The following NR0B1 variants were observed in gnomAD, a reference collection of about 807,000 sequenced individuals.
NR0B1 encodes the protein nuclear receptor subfamily 0 group B member 1.
NR0B1 carries 3 observed loss-of-function variants against 23.0 expected under a neutral mutation model. The ratio of observed to expected loss-of-function variants is 0.13; its 90% CI spans 0.06 to 0.34. The LOEUF (loss-of-function observed/expected upper bound fraction) is 0.34. NR0B1 is among the 10% of genes least tolerant of loss of function. NR0B1 has a pLI of 1.00. For missense variants in NR0B1, 350 were observed against 402.9 expected (o/e 0.87, Z 1.12); for synonymous variants, 205 against 184.0 (o/e 1.11, Z -0.92).
At chrX:30,307,661 C>G (rs897645639) in intron 1 of NR0B1, among the ~76,000 whole-genome samples, 4 of 111,372 alleles carry the variant, frequency 3.6e-5, no homozygotes, top group Non-Finnish European at 7.5e-5. Context: ...CAGAGGCAGG[C>G]CCATGAAACA....
chrX:30,304,933 T>C (rs1264116487), intron 1 of NR0B1, 110 bp from the exon 2 acceptor site: 1 of 996,496 alleles, frequency 1.0e-6, no homozygotes, highest in Non-Finnish European at 1.4e-6. Context: ...GACCCAAAGC[T>C]TCCCGGTTAA....
In NR0B1 at chrX:30,309,251, C is replaced by A; in HGVS notation, c.113G>T (p.Cys38Phe). 8.6e-7 allele frequency: 1 copy of A among 1,168,355 alleles called. No homozygotes were observed. The change falls in exon 1 of 2, where the codon TGC (cysteine) becomes TTC (phenylalanine). Residue 38 changes from cysteine to phenylalanine, a missense_variant. Physicochemically the swap from Cys to Phe is radical, Grantham distance 205. Coordinates refer to ENST00000378970, the MANE Select transcript of NR0B1 (RefSeq NM_000475.5). Reference sequence around the variant, plus strand: ...CTCATCGCCGCACGAACAGCCCCAGCACTGATCCACCAGCCGCGTCTCTGG... The same window carrying A: ...CTCATCGCCGCACGAACAGCCCCAGAACTGATCCACCAGCCGCGTCTCTGG... ...EAPETRLVDQ[C>F]WGCSCGDEPG...
In NR0B1 at chrX:30,308,383, C is replaced by G. The variant is rs758704782; in HGVS notation, c.981G>C (p.Glu327Asp). Residue 327 changes from glutamate (E) to aspartate (D), a missense_variant, in exon 1 of 2, where the codon GAG becomes GAC. Coordinates refer to ENST00000378970, the MANE Select transcript of NR0B1 (RefSeq NM_000475.5). ...CGGGCAGTGGCTCGTTGCCCCCGGT[C>G]TCCCGCCGCCTGGTGGTGAGGATCT... The part of the protein sequence containing the change: ...LQKILTTRRR[E>D]TGGNEPLPVP... 3.3e-6 allele frequency: 4 copies of G among 1,207,463 alleles called. No homozygotes were observed. In the Admixed American group the frequency reaches 8.8e-5, roughly 27 times the overall value.
intron 1 of NR0B1, among the ~76,000 whole-genome samples, chrX:30,307,155 C>G (rs979697689): frequency 5.4e-5 from 6 of 112,042 alleles, no homozygotes; most frequent in African/African-American, 1.9e-4. Flanking sequence ...ATTATAAAAA[C>G]TATCCCAACT....
In NR0B1 at chrX:30,304,287, ATGAAATTGCTACACTTG is replaced by A; in HGVS notation, c.*275_*291del. 1 of 240,299 alleles carries A rather than the reference ATGAAATTGCTACACTTG, an allele frequency of 4.2e-6. No homozygotes were observed. Among genetic ancestry groups the A allele is most frequent in the Non-Finnish European group, 7.5e-6 (1 of 133,742 alleles). The allele number at this position is 240,299 out of a possible 1,213,427, so 19.8% of individuals were successfully genotyped here. A position where few individuals can be genotyped will look rare whatever the true frequency, so the allele number is the denominator to read the frequency against. ...TACAAATTTGATTTGAGCAGGTTCC[ATGAAATTGCTACACTTG>A]TGAAAATAGCTTATTATACTAGTAC... On this transcript the variant is annotated 3_prime_UTR_variant, in exon 2 of 2. Coordinates refer to ENST00000378970, the MANE Select transcript of NR0B1 (RefSeq NM_000475.5).
Position 30,308,621 on chromosome X carries a change from A to C in NR0B1, c.743T>G (p.Leu248Arg). The part of the protein sequence containing the change: ...TSSGALRPVA[L>R]KSPQVVCEAA... Reference sequence around the variant, plus strand: ...CTCGCAGACCACCTGTGGACTCTTGAGCGCCACCGGCCGCAGCGCACCAGA... The same window carrying C: ...CTCGCAGACCACCTGTGGACTCTTGCGCGCCACCGGCCGCAGCGCACCAGA... The change falls in exon 1 of 2, where the codon CTC (leucine) becomes CGC (arginine). Residue 248 changes from leucine to arginine, a missense_variant. Leu to Arg is a moderately radical substitution (Grantham distance 102, BLOSUM62 -2). Transcript: ENST00000378970. 8.3e-7 allele frequency: 1 copy of C among 1,206,889 alleles called. No individual in the cohort carries two copies. Among genetic ancestry groups the C allele is most frequent in the African/African-American group, 1.7e-5 (1 of 57,674 alleles).
intron 1 of NR0B1, among the ~76,000 whole-genome samples, chrX:30,306,287 TC>T (rs1384943202): frequency 9.1e-6 from 1 of 110,472 alleles, no homozygotes. Context: ...CCCAAGTGGT[TC>T]CCCCCCACAC....
chrX:30,305,440 T>C (rs976045588), intron 1 of NR0B1, among the ~76,000 whole-genome samples: 3 of 111,970 alleles, frequency 2.7e-5, no homozygotes, highest in Non-Finnish European at 3.8e-5. Flanking sequence ...TTGGGGAAGA[T>C]TTTGAAAAAA....
rs150631210 is a variant in NR0B1, at chrX:30,309,226, C to T, written c.138G>A (p.Glu46=). 2.6e-6 allele frequency: 3 copies of T among 1,167,426 alleles called. No homozygotes were observed. The African/African-American group carries it at 5.3e-5, about 21-fold the overall frequency. ...DQCWGCSCGD[E]PGVGREGLLG... is the part of the protein sequence containing the mutation. ...GCAGCCCCTCTCTGCCCACCCCGGG[C>T]TCATCGCCGCACGAACAGCCCCAGC... The change falls in exon 1 of 2, where the codon GAG becomes GAA. Residue 46 remains glutamate (E), a synonymous_variant. Coordinates refer to ENST00000378970, the MANE Select transcript of NR0B1 (RefSeq NM_000475.5).
At position 30,308,868 on chromosome X, in the gene NR0B1, G is replaced by C; in HGVS notation, c.496C>G (p.Arg166Gly). The C allele has an allele frequency of 8.5e-7, 1 of 1,173,695 alleles. No individual in the cohort carries two copies. Among genetic ancestry groups the C allele is most frequent in the Non-Finnish European group, 1.1e-6 (1 of 876,244 alleles). Residue 166 changes from arginine (R) to glycine (G), a missense_variant, in exon 1 of 2, where the codon CGG becomes GGG. Physicochemically the swap from Arg to Gly is moderately radical, Grantham distance 125 (BLOSUM62 -2). Coordinates refer to ENST00000378970, the MANE Select transcript of NR0B1 (RefSeq NM_000475.5). ...THVAPAAPEA[R>G]PGGAWWDRSY... ...CGGTCCCACCACGCGCCCCCTGGCCGTGCCTCGGGCGCTGCCGGAGCCACG... is the reference window on the plus strand; with the variant it reads ...CGGTCCCACCACGCGCCCCCTGGCCCTGCCTCGGGCGCTGCCGGAGCCACG...
Position 30,308,380 on chromosome X carries a change from G to C in NR0B1, c.984C>G (p.Thr328=), listed in dbSNP as rs748982448. The part of the protein sequence containing the change: ...QKILTTRRRE[T]GGNEPLPVPT... ...GCACGGGCAGTGGCTCGTTGCCCCC[G>C]GTCTCCCGCCGCCTGGTGGTGAGGA... Residue 328 remains threonine (T), a synonymous_variant, in exon 1 of 2, where the codon ACC becomes ACG. Transcript: ENST00000378970. The C allele has an allele frequency of 4.3e-5, 52 of 1,207,826 alleles. No individual in the cohort carries two copies. The highest frequency in any genetic ancestry group is 5.5e-5 in the Non-Finnish European group (49 of 893,947).
intron 1 of NR0B1, among the ~76,000 whole-genome samples, chrX:30,306,215 A>G (rs1030650335): frequency 9.0e-6 from 1 of 111,061 alleles, no homozygotes; most frequent in African/African-American, 3.3e-5. Context: ...TGAAAACTTC[A>G]TCTTGTGTAT....
chrX:30,308,107 A>C (rs1926557559), intron 1 of NR0B1, 89 bp downstream of exon 1: 1 of 727,142 alleles, frequency 1.4e-6, no homozygotes, highest in Admixed American at 2.3e-5. Context: ...TGATCACTGA[A>C]AACTCGTTAC....
chrX:30,308,886 G>A lies in NR0B1; in HGVS notation c.478C>T (p.Pro160Ser), dbSNP rs1009809739. The stretch of plus-strand genomic sequence containing the variant: ...CCTGGCCGTGCCTCGGGCGCTGCCG[G>A]AGCCACGTGCGTTTGCTTTGAGCTA... ...LTSSKQTHVA[P>S]AAPEARPGGA... is the part of the protein sequence containing the mutation. Residue 160 changes from proline to serine, a missense_variant, in exon 1 of 2, where the codon CCG becomes TCG. Physicochemically the swap from Pro to Ser is moderately conservative, Grantham distance 74. Coordinates refer to ENST00000378970, the MANE Select transcript of NR0B1 (RefSeq NM_000475.5). 8.5e-7 allele frequency: 1 copy of A among 1,175,627 alleles called. No individual in the cohort carries two copies. Among genetic ancestry groups the A allele is most frequent in the Non-Finnish European group, 1.1e-6 (1 of 876,592 alleles).
At chrX:30,306,339 A>G (rs1926516988) in intron 1 of NR0B1, among the ~76,000 whole-genome samples, 1 of 111,615 alleles carries the variant, frequency 9.0e-6, no homozygotes, top group African/African-American at 3.3e-5. Context: ...GTCAGGGAAG[A>G]GAAAATGCAA....
chrX:30,308,344 C>T lies in NR0B1; in HGVS notation c.1020G>A (p.Gln340=). 1 of 1,211,858 alleles carries T rather than the reference C, an allele frequency of 8.3e-7. No individual in the cohort carries two copies. The highest frequency in any genetic ancestry group is 1.1e-6 in the Non-Finnish European group (1 of 895,333). Residue 340 remains glutamine, a synonymous_variant, in exon 1 of 2, where the codon CAG becomes CAA. Transcript: ENST00000378970. The stretch of plus-strand genomic sequence containing the variant: ...CCTCCGCCGGCGGTGCCAAATGGTG[C>T]TGCAGCGTGGGCACGGGCAGTGGCT... ...GNEPLPVPTL[Q]HHLAPPAEAR... is the part of the protein sequence containing the mutation.
In NR0B1 at chrX:30,309,231, C is replaced by G. The variant is rs1329683195; in HGVS notation, c.133G>C (p.Asp45His). 1.7e-6 allele frequency: 2 copies of G among 1,167,012 alleles called. No individual in the cohort carries two copies. Among genetic ancestry groups the G allele is most frequent in the Admixed American group, 2.2e-5 (1 of 44,559 alleles). ...CCCTCTCTGCCCACCCCGGGCTCAT[C>G]GCCGCACGAACAGCCCCAGCACTGA... ...VDQCWGCSCG[D>H]EPGVGREGLL... The change falls in exon 1 of 2, where the codon GAT (aspartate) becomes CAT (histidine). Residue 45 changes from aspartate (D) to histidine (H), a missense_variant. Around this residue, in one of 2 missense-constraint regions of NR0B1, gnomAD observed 298 missense variants for 314.0 expected, o/e 0.95. Transcript: ENST00000378970.
Position 30,304,572 on chromosome X carries a change from C to T in NR0B1, c.*7G>A. 4.1e-6 allele frequency: 5 copies of T among 1,211,587 alleles called. No individual in the cohort carries two copies. The South Asian group carries it at 8.8e-5, about 21-fold the overall frequency. ...TGCACTACTGCACTTGTGTGGCCCA[C>T]ATGACTTTATATCTTTGTACAGAGC... is the stretch of plus-strand genomic sequence containing the variant. On this transcript the variant is annotated 3_prime_UTR_variant, in exon 2 of 2. Transcript: ENST00000378970.
At chrX:30,304,892 T>C in intron 1 of NR0B1, 69 bp from the exon 2 acceptor site, 1 of 1,144,201 alleles carries the variant, frequency 8.7e-7, no homozygotes, top group Admixed American at 2.4e-5. Flanking sequence ...TTTTTAAAAA[T>C]AGCCATTTCT....
Sources: gnomAD v4.1 joint callset for allele counts (sites outside exome capture counted in the v4.1 genomes callset) on GRCh38, gnomAD v4.1.1 for gene constraint, gnomAD v4.1.1 regional missense constraint, MANE v1.5 for transcripts, NCBI Gene and HGNC (gene_info 2026-07-23, HGNC 2026-07-21) for gene names.